TOP1MT: variants seen among roughly 807,000 people sequenced by gnomAD.
The protein encoded by TOP1MT is DNA topoisomerase I mitochondrial, also known as DNA topoisomerase I, mitochondrial.
In TOP1MT, 80 loss-of-function variants were observed where a neutral mutation model predicts 73.9. The observed-to-expected ratio is 1.08, with a 90% CI of 0.90 to 1.30. The LOEUF (loss-of-function observed/expected upper bound fraction) is 1.30. Ranked by LOEUF, TOP1MT falls within the 50% of genes most tolerant of loss-of-function variation. The pLI is 0.00. For missense variants in TOP1MT, 815 were observed against 808.0 expected (o/e 1.01, Z -0.10); for synonymous variants, 338 against 326.4 (o/e 1.04, Z -0.38).
At position 143,341,363 on chromosome 8, in the gene TOP1MT, G is replaced by C. The variant is rs989186087; in HGVS notation, c.29+1857C>G. On this transcript the variant is annotated intron_variant, in intron 2 of 5. Transcript: ENST00000518007. This position sits in a 1 kb window ranked among gnomAD's most constrained non-coding sequence, Gnocchi z 4.1. Reference sequence around the variant, plus strand: ...CCATGCCCTTCTATCTCTTCTCTTGGGTGTCAGGACCCCGGGCACATCCAC... The same window carrying C: ...CCATGCCCTTCTATCTCTTCTCTTGCGTGTCAGGACCCCGGGCACATCCAC... 1.3e-5 allele frequency among the ~76,000 whole-genome samples: 2 copies of C among 152,094 alleles called. No individual in the cohort carries two copies. The highest frequency in any genetic ancestry group is 2.4e-5 in the African/African-American group (1 of 41,400).
intron 12 of TOP1MT, among the ~76,000 whole-genome samples, chr8:143,311,380 G>A (rs1358452244): frequency 6.6e-6 from 1 of 151,856 alleles, no homozygotes; most frequent in African/African-American, 2.4e-5. Flanking sequence ...CATTTCCTTC[G>A]CACACGCCAC....
chr8:143,331,221 T>C lies in TOP1MT; in HGVS notation c.238+3A>G, dbSNP rs1816844968. Reference sequence around the variant, plus strand: ...GGGGAGGAGCCGCTCCCTGCATCCTTACCTTCATAGAAGAAACGCACTCCG... The same window carrying C: ...GGGGAGGAGCCGCTCCCTGCATCCTCACCTTCATAGAAGAAACGCACTCCG... On this transcript the variant is annotated splice_donor_region_variant and intron_variant, in intron 2 of 13. Transcript: ENST00000329245. 9 of 1,599,652 alleles carry C rather than the reference T, an allele frequency of 5.6e-6. No individual in the cohort carries two copies. The highest frequency in any genetic ancestry group is 7.7e-6 in the Non-Finnish European group (9 of 1,169,136).
intron 12 of TOP1MT, among the ~76,000 whole-genome samples, chr8:143,313,200 T>G (rs1816058256): frequency 6.6e-6 from 1 of 152,232 alleles, no homozygotes; most frequent in African/African-American, 2.4e-5. Flanking sequence ...AGGCAAAGCC[T>G]TCTCAGCACG....
intron 8 of TOP1MT, 107 bp from the exon 9 acceptor site, chr8:143,318,193 G>A (rs1296817157): frequency 1.0e-6 from 1 of 981,074 alleles, no homozygotes; most frequent in Non-Finnish European, 1.6e-6. Context: ...CTTCCCTGAG[G>A]AAGGTGGCCC....
At chr8:143,348,210 AAGT>A (rs1483462636), upstream of TOP1MT, among the ~76,000 whole-genome samples, 2 of 152,222 alleles carry the variant, frequency 1.3e-5, no homozygotes, top group Admixed American at 1.3e-4. The surrounding 1 kb of genome is among the most constrained non-coding windows in gnomAD (Gnocchi z 4.6). Flanking sequence ...CCCTGCTCCA[AAGT>A]CCCTCAGTCA....
intron 6 of TOP1MT, 43 bp from the exon 7 acceptor site, chr8:143,324,185 GTTAAA>G: frequency 1.2e-6 from 2 of 1,605,960 alleles, no homozygotes; most frequent in Non-Finnish European, 1.7e-6. Flanking sequence ...TCACATTCCT[GTTAAA>G]TAACGGAGGA....
chr8:143,343,102 C>T (rs1416582249), intron 2 of TOP1MT: 1 of 442,648 alleles, frequency 2.3e-6, no homozygotes, highest in East Asian at 7.1e-5. Context: ...GAAAATCAGA[C>T]ACTAAGTTCA....
chr8:143,329,587 G>GC, intron 2 of TOP1MT, 116 bp from the exon 3 acceptor site: 2 of 1,296,948 alleles, frequency 1.5e-6, no homozygotes, highest in Non-Finnish European at 2.1e-6. Context: ...AGAGCAAGAA[G>GC]CTAGGCCTTC....
At position 143,310,065 on chromosome 8, in the gene TOP1MT, C is replaced by A. The variant is rs1425839325; in HGVS notation, c.1703+3G>T. On this transcript the variant is annotated splice_donor_region_variant and intron_variant, in intron 13 of 13. Coordinates refer to ENST00000329245, the MANE Select transcript of TOP1MT (RefSeq NM_052963.3). ...TGGGAACTGAGACCCCAGGCACACG[C>A]ACCAGGCAATGCTGATCCTGGGGTC... 3.1e-6 allele frequency: 5 copies of A among 1,611,922 alleles called. No individual in the cohort carries two copies. The South Asian group carries it at 4.4e-5, about 14-fold the overall frequency.
Position 143,323,800 on chromosome 8 carries a change from A to G in TOP1MT, c.960+199T>C, listed in dbSNP as rs564429917. ...ACAGGCACACCACACGCACAAGTGC[A>G]CACACACCACACAATGCACATGCAC... On this transcript the variant is annotated intron_variant, in intron 7 of 13. Coordinates refer to ENST00000329245, the MANE Select transcript of TOP1MT (RefSeq NM_052963.3). Among the ~76,000 whole-genome samples the G allele has an allele frequency of 9.9e-5, 15 of 151,840 alleles. 1 individual carries two copies. The East Asian group carries it at 2.1e-3, about 22-fold the overall frequency.
rs372639416 is a variant in TOP1MT at position 143,325,498 on chromosome 8, C to G, written c.519G>C (p.Glu173Asp). The stretch of plus-strand genomic sequence containing the variant: ...GACCATCTAAAATACAGTAGCCGAA[C>G]TCTTGCTGAAGTTTTTCTGCCTCTT... The part of the protein sequence containing the change: ...LKEEAEKLQQ[E>D]FGYCILDGHQ... Residue 173 changes from glutamate to aspartate, a missense_variant, in exon 5 of 14, where the codon GAG becomes GAC. Transcript: ENST00000329245. 4.3e-6 allele frequency: 7 copies of G among 1,610,918 alleles called. No homozygotes were observed. In the African/African-American group the frequency reaches 5.3e-5, roughly 12 times the overall value.
upstream of TOP1MT, among the ~76,000 whole-genome samples, chr8:143,339,452 T>G (rs1490235082): frequency 6.6e-6 from 1 of 152,196 alleles, no homozygotes; most frequent in Non-Finnish European, 1.5e-5. Flanking sequence ...TACTTAACCT[T>G]TTTGTACCTC....
chr8:143,336,487 A>C (rs1455530097), upstream of TOP1MT, among the ~76,000 whole-genome samples: 1 of 152,224 alleles, frequency 6.6e-6, no homozygotes, highest in Non-Finnish European at 1.5e-5. Context: ...CTCATATGCC[A>C]GAAGAAAGAC....
At chr8:143,320,621 T>C (rs754409495) in intron 8 of TOP1MT, among the ~76,000 whole-genome samples, 1 of 152,176 alleles carries the variant, frequency 6.6e-6, no homozygotes, top group East Asian at 1.9e-4. Context: ...GATGAAGTCA[T>C]AGAAAGAGTG....
intron 9 of TOP1MT, 77 bp downstream of exon 9, chr8:143,317,940 CT>C (rs1364857106): frequency 6.3e-7 from 1 of 1,595,094 alleles, no homozygotes. Flanking sequence ...GGACAAAACC[CT>C]GGGCCAGACT....
chr8:143,334,893 GGCCCCGCCCCAGCGGCCA>G (rs1456939143), upstream of TOP1MT: 102 of 1,414,070 alleles, frequency 7.2e-5, 1 homozygote, highest in East Asian at 1.9e-3. Flanking sequence ...CGACAAGCTG[GGCCCCGCCCCAGCGGCCA>G]GCCCCGCCCC....
chr8:143,346,240 A>G (rs529795430), upstream of TOP1MT, among the ~76,000 whole-genome samples: 92 of 152,306 alleles, frequency 6.0e-4, no homozygotes, highest in African/African-American at 2.2e-3. Context: ...AGGAGTGAAG[A>G]GGAAATGCCA....
At chr8:143,325,275 G>A (rs1816673692) in intron 5 of TOP1MT, 71 bp downstream of exon 5, 6 of 1,366,444 alleles carry the variant, frequency 4.4e-6, no homozygotes, top group South Asian at 1.3e-5. Flanking sequence ...TCTCCCAGGA[G>A]GTGAAGAAAA....
In TOP1MT at chr8:143,309,458, C is replaced by G; in HGVS notation, c.1789G>C (p.Glu597Gln). 6.2e-7 allele frequency: 1 copy of G among 1,613,754 alleles called. No homozygotes were observed. The highest frequency in any genetic ancestry group is 2.2e-5 in the East Asian group (1 of 44,892). Residue 597 changes from glutamate to glutamine, a missense_variant, in exon 14 of 14, where the codon GAA becomes CAA. This residue lies in a region of TOP1MT where 751 missense variants were observed against 725.4 expected (regional missense o/e 1.04). Transcript: ENST00000329245. The part of the protein sequence containing the change: ...RFAWALAMAG[E>Q]DFEF ...GCTCGTCGTTAGAATTCAAAGTCTT[C>G]TCCTGCCATGGCGAGAGCCCAGGCG...
Sources: gnomAD v4.1 joint callset for allele counts (sites outside exome capture counted in the v4.1 genomes callset) on GRCh38, gnomAD v4.1.1 for gene constraint, gnomAD v4.1.1 regional missense constraint, Gnocchi (gnomAD v3.1) non-coding constraint, MANE v1.5 for transcripts, NCBI Gene and HGNC (gene_info 2026-07-23, HGNC 2026-07-21) for gene names.